The following RAB31 variants were observed in gnomAD, a reference collection of about 807,000 sequenced individuals.
RAB31 encodes ras-related protein Rab-31.
RAB31 carries 21 observed loss-of-function variants against 25.6 expected under a neutral mutation model. The ratio of observed to expected loss-of-function variants is 0.82; its 90% CI spans 0.58 to 1.18. RAB31 has a LOEUF of 1.18. Ranked by LOEUF, RAB31 falls within the 50% of genes most tolerant of loss-of-function variation. The pLI, the probability that RAB31 is intolerant of heterozygous loss-of-function variation, is 0.00. For synonymous variants in RAB31, 87 were observed against 84.0 expected (o/e 1.04, Z -0.20); for missense variants, 196 against 250.1 (o/e 0.78, Z 1.46).
chr18:9,766,904 C>T lies in RAB31; in HGVS notation c.40-8374C>T, dbSNP rs1253887192. 6.6e-6 allele frequency among the ~76,000 whole-genome samples: 1 copy of T among 152,122 alleles called. No individual in the cohort carries two copies. The highest frequency in any genetic ancestry group is 1.5e-5 in the Non-Finnish European group (1 of 68,036). ...CCTGGAAGGAGTAGGTTGCAGTGAG[C>T]CGATGTTGTGCCACTGTAATCCAGC... is the stretch of plus-strand genomic sequence containing the variant. On this transcript the variant is annotated intron_variant, in intron 1 of 6. Transcript: ENST00000578921. The surrounding 1 kb of genome is among the most constrained non-coding windows in gnomAD (Gnocchi z 4.3).
chr18:9,749,951 G>A (rs1222944453), intron 1 of RAB31, among the ~76,000 whole-genome samples: 8 of 152,152 alleles, frequency 5.3e-5, no homozygotes, highest in African/African-American at 1.9e-4. Flanking sequence ...CGTGACCTCC[G>A]TCCAGTGGGC....
intron 3 of RAB31, among the ~76,000 whole-genome samples, 161 bp from the exon 4 acceptor site, chr18:9,813,859 A>G (rs557316284): frequency 6.6e-6 from 1 of 152,298 alleles, no homozygotes; most frequent in African/African-American, 2.4e-5. Context: ...TCTCAAAAAA[A>G]TAAAATAAAA....
chr18:9,829,330 C>T (rs1448456836), intron 5 of RAB31, among the ~76,000 whole-genome samples: 4 of 152,304 alleles, frequency 2.6e-5, no homozygotes, highest in East Asian at 1.9e-4. Context: ...GTATGTGTCA[C>T]GTGATGACGT....
At chr18:9,808,388 A>T (rs2068553112) in intron 3 of RAB31, among the ~76,000 whole-genome samples, 1 of 152,206 alleles carries the variant, frequency 6.6e-6, no homozygotes, top group Admixed American at 6.5e-5. Context: ...ATTGTCTCCC[A>T]GTCCCGTTTC....
intron 5 of RAB31, among the ~76,000 whole-genome samples, chr18:9,822,164 A>T (rs3960639): frequency 6.6e-6 from 1 of 151,936 alleles, no homozygotes; most frequent in Non-Finnish European, 1.5e-5. Flanking sequence ...CTACACAAAT[A>T]TGCTCAATTG....
chr18:9,856,459 T>C (rs1039746761), intron 6 of RAB31: 1 of 152,188 alleles, frequency 6.6e-6, no homozygotes, highest in Non-Finnish European at 1.5e-5. Flanking sequence ...ACATATAAAC[T>C]TTTTCTTTAA....
At chr18:9,788,439 T>C (rs1348849878) in intron 2 of RAB31, among the ~76,000 whole-genome samples, 1 of 152,162 alleles carries the variant, frequency 6.6e-6, no homozygotes, top group East Asian at 1.9e-4. Context: ...TTGTATTCTG[T>C]TGGTAAATTA....
chr18:9,771,922 G>A (rs532440000), intron 1 of RAB31, among the ~76,000 whole-genome samples: 30 of 152,376 alleles, frequency 2.0e-4, no homozygotes, highest in African/African-American at 2.9e-4. Flanking sequence ...TAAAGAGACA[G>A]TGACTTTGTT....
At chr18:9,848,406 A>G (rs532875943) in intron 6 of RAB31, among the ~76,000 whole-genome samples, 2 of 151,980 alleles carry the variant, frequency 1.3e-5, no homozygotes, top group African/African-American at 2.4e-5. Flanking sequence ...CTATCTAGCC[A>G]TCCGTCTGTC....
chr18:9,717,391 A>T (rs2068050082), intron 1 of RAB31, among the ~76,000 whole-genome samples: 1 of 152,244 alleles, frequency 6.6e-6, no homozygotes, highest in Non-Finnish European at 1.5e-5. Flanking sequence ...GTTCCCCCAG[A>T]GGTGCCTAGG....
chr18:9,751,714 G>A (rs1415670365), intron 1 of RAB31, among the ~76,000 whole-genome samples: 2 of 152,236 alleles, frequency 1.3e-5, no homozygotes, highest in Admixed American at 1.3e-4. Context: ...TTGAGCTGGT[G>A]CACGTAAAAA....
chr18:9,765,374 C>G (rs1476843287), intron 1 of RAB31, among the ~76,000 whole-genome samples: 1 of 152,176 alleles, frequency 6.6e-6, no homozygotes, highest in Non-Finnish European at 1.5e-5. Flanking sequence ...TTTCCTAGAA[C>G]AGAGTGTGAA....
At chr18:9,772,359 T>A (rs761087855) in intron 1 of RAB31, among the ~76,000 whole-genome samples, 11 of 152,100 alleles carry the variant, frequency 7.2e-5, no homozygotes, top group Non-Finnish European at 1.5e-4. Flanking sequence ...TAAGCCTGGG[T>A]ATCAAGGAAT....
intron 1 of RAB31, among the ~76,000 whole-genome samples, chr18:9,772,989 T>C (rs1384042895): frequency 6.6e-6 from 1 of 152,168 alleles, no homozygotes; most frequent in Non-Finnish European, 1.5e-5. Flanking sequence ...GCGGCATCAA[T>C]TGGCATCTCA....
chr18:9,737,579 T>A (rs1249709310), intron 1 of RAB31, among the ~76,000 whole-genome samples: 2 of 152,184 alleles, frequency 1.3e-5, no homozygotes, highest in Non-Finnish European at 2.9e-5. Flanking sequence ...AGCAGATGAC[T>A]GTCCTCCTCT....
rs966930313 is a variant in RAB31 at position 9,797,929 on chromosome 18, A to G, written c.201+5694A>G. ...TGCGAAAATGACTATTGTAGTTTGT[A>G]GTTTGTTCCACTTACCATCGCAAAG... is the stretch of plus-strand genomic sequence containing the variant. On this transcript the variant is annotated intron_variant, in intron 3 of 6. Coordinates refer to ENST00000578921, the MANE Select transcript of RAB31 (RefSeq NM_006868.4). Among the ~76,000 whole-genome samples the G allele has an allele frequency of 3.9e-5, 6 of 152,356 alleles. No individual in the cohort carries two copies. In the South Asian group the frequency reaches 8.3e-4, roughly 21 times the overall value.
chr18:9,734,260 C>T (rs755328444), intron 1 of RAB31, among the ~76,000 whole-genome samples: 6 of 152,142 alleles, frequency 3.9e-5, no homozygotes, highest in Non-Finnish European at 5.9e-5. Context: ...CTCTTCCTGT[C>T]ACTATTGTGC....
rs1027903219 is a variant in RAB31, at chr18:9,862,276, G to A, written c.*2951G>A. 6.6e-6 allele frequency: 1 copy of A among 152,182 alleles called. No homozygotes were observed. The highest frequency in any genetic ancestry group is 6.5e-5 in the Admixed American group (1 of 15,282). 9.4% of individuals were successfully genotyped at this position (152,182 alleles called of 1,614,324 possible). On this transcript the variant is annotated 3_prime_UTR_variant, in exon 7 of 7. Coordinates refer to ENST00000578921, the MANE Select transcript of RAB31 (RefSeq NM_006868.4). The stretch of plus-strand genomic sequence containing the variant: ...TGTATTCAGACCGACTGGGTATCTA[G>A]CTTACTGTTTTAACATCATTGTTGA...
rs530086982 is a variant in RAB31 at position 9,715,417 on chromosome 18, T to C, written c.39+6973T>C. Among the ~76,000 whole-genome samples the C allele has an allele frequency of 8.0e-3, 942 of 117,338 alleles. 14 individuals are homozygous for C. Among genetic ancestry groups the C allele is most frequent in the African/African-American group, 0.027 (875 of 31,860 alleles). The allele number at this position is 117,338 out of a possible 152,430, so 77.0% of individuals were successfully genotyped here. On this transcript the variant is annotated intron_variant, in intron 1 of 6. Transcript: ENST00000578921. ...TATTTTTAATTCCCTTTGCCCCCTT[T>C]TTTTTTTTTTGAAAAATTTAAAACT...
Sources: gnomAD v4.1 joint callset for allele counts (sites outside exome capture counted in the v4.1 genomes callset) on GRCh38, gnomAD v4.1.1 for gene constraint, Gnocchi (gnomAD v3.1) non-coding constraint, MANE v1.5 for transcripts, NCBI Gene and HGNC (gene_info 2026-07-23, HGNC 2026-07-21) for gene names.